SUGCT: variants seen among roughly 807,000 people sequenced by gnomAD.
SUGCT encodes succinyl-CoA:glutarate-CoA transferase, also known as succinyl-CoA:glutarate CoA-transferase.
In SUGCT, 41 loss-of-function variants were observed where a neutral mutation model predicts 55.0. The ratio of observed to expected loss-of-function variants is 0.74; its 90% CI spans 0.58 to 0.97. The LOEUF (loss-of-function observed/expected upper bound fraction) is 0.97. Ranked by LOEUF, SUGCT falls within the 50% of genes least tolerant of loss-of-function variation. The pLI is 0.00. For missense variants in SUGCT, 568 were observed against 547.8 expected (o/e 1.04, Z -0.37); for synonymous variants, 187 against 200.4 (o/e 0.93, Z 0.56).
intron 12 of SUGCT, among the ~76,000 whole-genome samples, chr7:40,673,564 C>T (rs1392542524): frequency 2.0e-5 from 3 of 152,164 alleles, no homozygotes; most frequent in Non-Finnish European, 2.9e-5. Flanking sequence ...GAATGAAACT[C>T]TCTGTGAGGA....
At chr7:40,169,774 CT>C (rs1215227153) in intron 1 of SUGCT, among the ~76,000 whole-genome samples, 2 of 151,886 alleles carry the variant, frequency 1.3e-5, no homozygotes, top group African/African-American at 4.8e-5. Context: ...CCCATTCTGC[CT>C]GCTCCTCCTG....
the SUGCT span, among the ~76,000 whole-genome samples, chr7:40,887,063 T>C: frequency 6.6e-6 from 1 of 152,058 alleles, no homozygotes; most frequent in Non-Finnish European, 1.5e-5. Flanking sequence ...CCTAAGCCCA[T>C]GGAATAGAAC....
the SUGCT span, among the ~76,000 whole-genome samples, chr7:41,036,515 C>G: frequency 6.6e-6 from 1 of 152,138 alleles, no homozygotes; most frequent in African/African-American, 2.4e-5. Context: ...AGATTCTCCT[C>G]TCTTCCGATT....
intron 9 of SUGCT, among the ~76,000 whole-genome samples, chr7:40,432,941 A>G (rs979460106): frequency 2.0e-5 from 3 of 151,848 alleles, no homozygotes; most frequent in East Asian, 1.9e-4. Context: ...TAATGTGCCT[A>G]TGGATCCGCT....
At chr7:40,162,128 C>T (rs1430113267) in intron 1 of SUGCT, among the ~76,000 whole-genome samples, 1 of 152,116 alleles carries the variant, frequency 6.6e-6, no homozygotes, top group Non-Finnish European at 1.5e-5. Flanking sequence ...GATCTCCTGA[C>T]CTCGTGATCC....
chr7:40,377,976 T>G (rs978215329), intron 9 of SUGCT, among the ~76,000 whole-genome samples: 1 of 152,224 alleles, frequency 6.6e-6, no homozygotes, highest in Non-Finnish European at 1.5e-5. Context: ...ATTGATGGTC[T>G]GTTGTATGTA....
chr7:40,368,475 G>T (rs537456450), intron 9 of SUGCT, among the ~76,000 whole-genome samples: 2 of 152,048 alleles, frequency 1.3e-5, no homozygotes, highest in African/African-American at 4.8e-5. Flanking sequence ...GGGATTACAG[G>T]TGTGAGCCAC....
At chr7:40,413,548 A>G (rs1786808341) in intron 9 of SUGCT, among the ~76,000 whole-genome samples, 1 of 152,230 alleles carries the variant, frequency 6.6e-6, no homozygotes, top group South Asian at 2.1e-4. Context: ...TTTAAATGCA[A>G]TACAAGGGAA....
At chr7:40,550,386 G>A (rs1795236218) in intron 12 of SUGCT, among the ~76,000 whole-genome samples, 1 of 152,150 alleles carries the variant, frequency 6.6e-6, no homozygotes, top group South Asian at 2.1e-4. Context: ...TTCTTCCCTG[G>A]AATACCTAGT....
chr7:40,234,073 C>T (rs1788872760), intron 6 of SUGCT, among the ~76,000 whole-genome samples: 1 of 152,088 alleles, frequency 6.6e-6, no homozygotes, highest in Admixed American at 6.6e-5. Flanking sequence ...CTAAGCTGAA[C>T]AAAAAGAGAA....
chr7:40,228,685 A>G (rs1036110075), intron 6 of SUGCT, among the ~76,000 whole-genome samples: 2 of 152,160 alleles, frequency 1.3e-5, no homozygotes, highest in Non-Finnish European at 2.9e-5. Context: ...TTCTAGTTCT[A>G]TCATTCCTTC....
At chr7:40,866,543 C>T in the SUGCT span, among the ~76,000 whole-genome samples, 1 of 150,764 alleles carries the variant, frequency 6.6e-6, no homozygotes, top group Non-Finnish European at 1.5e-5. Flanking sequence ...GGCATTGACA[C>T]AGGCCACAGG....
At chr7:40,585,298 A>G (rs1464573838) in intron 12 of SUGCT, among the ~76,000 whole-genome samples, 2 of 152,226 alleles carry the variant, frequency 1.3e-5, no homozygotes, top group Non-Finnish European at 2.9e-5. Context: ...CATGAGACAT[A>G]TAGTGGCTTT....
Position 40,674,609 on chromosome 7 carries a change from G to A in SUGCT, c.1090-74825G>A, listed in dbSNP as rs182357629. The stretch of plus-strand genomic sequence containing the variant: ...CATGTGTGCCTCCACTTCCGAAAAA[G>A]AGCCTCATCCATGAAAAATAAAACA... On this transcript the variant is annotated intron_variant, in intron 12 of 13. Transcript: ENST00000335693. Among the ~76,000 whole-genome samples, 248 of 152,232 alleles carry A rather than the reference G, an allele frequency of 1.6e-3. 1 individual carries two copies. The highest frequency in any genetic ancestry group is 5.3e-3 in the African/African-American group (220 of 41,556).
At chr7:40,250,799 C>G (rs886334769) in intron 7 of SUGCT, among the ~76,000 whole-genome samples, 2 of 148,516 alleles carry the variant, frequency 1.3e-5, no homozygotes, top group African/African-American at 5.0e-5. Flanking sequence ...TTATGAAAAC[C>G]CTTAAGATGT....
At chr7:40,171,173 A>G (rs1784653195) in intron 1 of SUGCT, among the ~76,000 whole-genome samples, 1 of 152,166 alleles carries the variant, frequency 6.6e-6, no homozygotes, top group Non-Finnish European at 1.5e-5. Flanking sequence ...CTTGCCCCAG[A>G]TTAAGTCCTT....
intron 11 of SUGCT, among the ~76,000 whole-genome samples, chr7:40,461,277 A>T (rs573711009): frequency 6.6e-6 from 1 of 152,192 alleles, no homozygotes; most frequent in East Asian, 1.9e-4. Flanking sequence ...TCATTATATG[A>T]TGTGTGTTTT....
intron 1 of SUGCT, among the ~76,000 whole-genome samples, chr7:40,156,260 G>C (rs1783891219): frequency 6.6e-6 from 1 of 152,052 alleles, no homozygotes; most frequent in African/African-American, 2.4e-5. Context: ...TCAGGAGATC[G>C]AGAGCATCCT....
At chr7:40,993,697 A>G in the SUGCT span, among the ~76,000 whole-genome samples, 1 of 152,156 alleles carries the variant, frequency 6.6e-6, no homozygotes, top group East Asian at 1.9e-4. Flanking sequence ...AGGGTTGTGC[A>G]TCTTTGAGAT....
Sources: allele counts gnomAD v4.1 joint callset (sites outside exome capture counted in the v4.1 genomes callset), GRCh38; gene constraint gnomAD v4.1.1; transcripts MANE v1.5; gene names NCBI Gene and HGNC (gene_info 2026-07-23, HGNC 2026-07-21).